Variants in SLC17A9 observed in about 807,000 individuals in gnomAD.
The protein encoded by SLC17A9 is solute carrier family 17 member 9, also known as voltage-gated purine nucleotide uniporter SLC17A9.
In SLC17A9, 49 loss-of-function variants were observed where a neutral mutation model predicts 55.0. That is an observed-to-expected ratio of 0.89 (90% CI 0.71 to 1.13). The LOEUF (loss-of-function observed/expected upper bound fraction) is 1.13, where lower values mean the gene tolerates loss of function less well. Among genes scored for constraint, SLC17A9 ranks in the 50% most tolerant of loss-of-function variants. The pLI, the probability that SLC17A9 is intolerant of heterozygous loss-of-function variation, is 0.00. For synonymous variants in SLC17A9, 256 were observed against 247.4 expected (o/e 1.03, Z -0.32); for missense variants, 526 against 569.3 (o/e 0.92, Z 0.77).
intron 8 of SLC17A9, 52 bp downstream of exon 8, chr20:62,964,367 G>C: frequency 1.3e-6 from 2 of 1,570,552 alleles, no homozygotes. Context: ...GGTTCACCTC[G>C]CTTTCGAGGG....
chr20:62,963,514 C>T (rs890495129), intron 6 of SLC17A9, 70 bp from the exon 7 acceptor site: 314 of 1,530,722 alleles, frequency 2.1e-4, no homozygotes, highest in African/African-American at 1.3e-3. Flanking sequence ...GGACGCCTCT[C>T]GGGGTGGGTC....
At position 62,956,820 on chromosome 20, in the gene SLC17A9, T is replaced by C; in HGVS notation, c.115T>C (p.Cys39Arg). The change falls in exon 2 of 13, where the codon TGC becomes CGC. Residue 39 changes from cysteine to arginine, a missense_variant. Cys to Arg is a radical substitution (Grantham distance 180, BLOSUM62 -3). Coordinates refer to ENST00000370351, the MANE Select transcript of SLC17A9 (RefSeq NM_022082.4). ...TLLLGTCLLYCARSSMPICTV... is the reference protein window; with the variant it reads ...TLLLGTCLLYRARSSMPICTV... ...GCTGCTGGGCACATGCCTTCTGTAC[T>C]GCGCCCGCTCCAGCATGCCCATCTG... is the stretch of plus-strand genomic sequence containing the variant. 1 of 1,613,088 alleles carries C rather than the reference T, an allele frequency of 6.2e-7. No homozygotes were observed. The highest frequency in any genetic ancestry group is 2.2e-5 in the East Asian group (1 of 44,876).
At chr20:62,959,699 G>C (rs947459742) in intron 3 of SLC17A9, among the ~76,000 whole-genome samples, 15 of 152,262 alleles carry the variant, frequency 9.9e-5, no homozygotes, top group Non-Finnish European at 1.3e-4. Context: ...GCGCTCTGCG[G>C]TTAAAAGTTA....
At chr20:62,965,487 T>A in intron 9 of SLC17A9, 123 bp from the exon 10 acceptor site, 1 of 903,008 alleles carries the variant, frequency 1.1e-6, no homozygotes, top group Non-Finnish European at 1.7e-6. Flanking sequence ...GAGAAGTTTG[T>A]GGTCGCAGCC....
intron 8 of SLC17A9, chr20:62,964,863 G>C: frequency 1.9e-6 from 1 of 537,406 alleles, no homozygotes; most frequent in Non-Finnish European, 3.3e-6. Flanking sequence ...CCGCTCGCCT[G>C]TTTCCGCCTC....
intron 3 of SLC17A9, 44 bp downstream of exon 3, chr20:62,957,624 G>A: frequency 2.7e-6 from 4 of 1,472,706 alleles, no homozygotes; most frequent in Non-Finnish European, 3.6e-6. Context: ...CTGGCACCAG[G>A]TGGGGAGACA....
At chr20:62,966,671 C>G (rs1173357996) in intron 11 of SLC17A9, 32 bp from the exon 12 acceptor site, 2 of 1,613,960 alleles carry the variant, frequency 1.2e-6, no homozygotes, top group East Asian at 4.5e-5. Context: ...TGCTGACCAT[C>G]CATATTCTCT....
In SLC17A9 at chr20:62,960,571, CT is replaced by C; in HGVS notation, c.466del (p.Tyr156ThrfsTer14). ...TGCGGGAGAGTGAGCGAGCCTTCAC[CT>C]ACAGCATCGTGGGCGCCGGCTCCCA... ...KVRESERAFT[Y>X]SIVGAGSQFG... On this transcript the variant is annotated frameshift_variant, in exon 4 of 13. Coordinates refer to ENST00000370351, the MANE Select transcript of SLC17A9 (RefSeq NM_022082.4). LOFTEE classifies it high-confidence loss of function. 1 of 1,613,572 alleles carries C rather than the reference CT, an allele frequency of 6.2e-7. No individual in the cohort carries two copies. The highest frequency in any genetic ancestry group is 8.5e-7 in the Non-Finnish European group (1 of 1,180,006).
chr20:62,965,128 G>A lies in SLC17A9; in HGVS notation c.911-4G>A, dbSNP rs1176450568. The A allele has an allele frequency of 1.9e-6, 3 of 1,614,092 alleles. No homozygotes were observed. The highest frequency in any genetic ancestry group is 2.5e-6 in the Non-Finnish European group (3 of 1,180,018). ...GGAGCCCCTTCCTTGGCCTCCCCCTGTAGGTTACAGAGCCATCACGGTGCG... is the reference window on the plus strand; with the variant it reads ...GGAGCCCCTTCCTTGGCCTCCCCCTATAGGTTACAGAGCCATCACGGTGCG... On this transcript the variant is annotated splice_polypyrimidine_tract_variant and splice_region_variant and intron_variant, in intron 8 of 12. Coordinates refer to ENST00000370351, the MANE Select transcript of SLC17A9 (RefSeq NM_022082.4).
chr20:62,957,031 G>A, intron 2 of SLC17A9, 69 bp downstream of exon 2: 1 of 1,600,052 alleles, frequency 6.2e-7, no homozygotes, highest in Non-Finnish European at 8.5e-7. Context: ...GGGGCGAGTG[G>A]GCTGGCTGTG....
intron 6 of SLC17A9, 42 bp downstream of exon 6, chr20:62,963,411 C>A: frequency 6.3e-7 from 1 of 1,596,576 alleles, no homozygotes; most frequent in Non-Finnish European, 8.6e-7. Context: ...AGCGGCAGGG[C>A]CGGTGACCAT....
chr20:62,962,633 G>T lies in SLC17A9; in HGVS notation c.507G>T (p.Leu169=). ...CCCCCTGTCTTTGCAGGACGCTGCT[G>T]ACCGGGGCGGTGGGCTCCCTGCTCC... The part of the protein sequence containing the change: ...VGAGSQFGTL[L]TGAVGSLLLE... The change falls in exon 5 of 13, where the codon CTG becomes CTT. Residue 169 remains leucine (L), a synonymous_variant. Transcript: ENST00000370351. The surrounding 1 kb of genome is among the most constrained non-coding windows in gnomAD (Gnocchi z 5.5). 1.2e-6 allele frequency: 2 copies of T among 1,613,954 alleles called. No homozygotes were observed. Among genetic ancestry groups the T allele is most frequent in the South Asian group, 2.2e-5 (2 of 91,042 alleles).
intron 12 of SLC17A9, chr20:62,966,968 C>T: frequency 1.7e-6 from 1 of 595,064 alleles, no homozygotes; most frequent in Non-Finnish European, 2.9e-6. Context: ...AGATATGTTC[C>T]CATCCTGGTA....
chr20:62,962,865 G>A lies in SLC17A9; in HGVS notation c.628+111G>A, dbSNP rs2065601109. 1 of 1,472,932 alleles carries A rather than the reference G, an allele frequency of 6.8e-7. No homozygotes were observed. The highest frequency in any genetic ancestry group is 1.4e-5 in the African/African-American group (1 of 71,096). 91.2% of individuals were successfully genotyped at this position (1,472,932 alleles called of 1,614,324 possible). A position where few individuals can be genotyped will look rare whatever the true frequency, so the allele number is the denominator to read the frequency against. ...GCAGGAGCCCGGAGACGATGGCTTTGACCTCCCAAAGAATCCGCCAGTGAG... is the reference window on the plus strand; with the variant it reads ...GCAGGAGCCCGGAGACGATGGCTTTAACCTCCCAAAGAATCCGCCAGTGAG... On this transcript the variant is annotated intron_variant, in intron 5 of 12. Coordinates refer to ENST00000370351, the MANE Select transcript of SLC17A9 (RefSeq NM_022082.4). The surrounding 1 kb of genome is among the most constrained non-coding windows in gnomAD (Gnocchi z 5.5).
rs1012039309 is a variant in SLC17A9, at chr20:62,968,375, C to T, written c.*875C>T. On this transcript the variant is annotated 3_prime_UTR_variant, in exon 13 of 13. Coordinates refer to ENST00000370351, the MANE Select transcript of SLC17A9 (RefSeq NM_022082.4). ...GCCTGGTGATTCTGCTCTCCAGGGA[C>T]GGTTGGCACCTTCCTCGGGGGCGGG... The T allele has an allele frequency of 7.9e-5, 12 of 152,284 alleles. No homozygotes were observed. The highest frequency in any genetic ancestry group is 7.3e-5 in the Non-Finnish European group (5 of 68,078). The allele number at this position is 152,284 out of a possible 1,614,324, so 9.4% of individuals were successfully genotyped here.
intron 4 of SLC17A9, among the ~76,000 whole-genome samples, chr20:62,961,942 G>A (rs1231907913): frequency 6.6e-6 from 1 of 152,164 alleles, no homozygotes; most frequent in African/African-American, 2.4e-5. Context: ...CTCCGCGGGA[G>A]GAAGGAGGCC....
chr20:62,966,620 G>A (rs1476773391), intron 11 of SLC17A9, 40 bp downstream of exon 11: 3 of 1,613,754 alleles, frequency 1.9e-6, no homozygotes, highest in East Asian at 4.5e-5. Context: ...CCCTCCCTGG[G>A]CCTCCGGGTG....
At chr20:62,955,537 C>T (rs1044541224) in intron 1 of SLC17A9, among the ~76,000 whole-genome samples, 2 of 151,954 alleles carry the variant, frequency 1.3e-5, no homozygotes, top group African/African-American at 4.8e-5. Flanking sequence ...CTCTTGAACT[C>T]TTGGGCTCAA....
chr20:62,962,042 C>A lies in SLC17A9; in HGVS notation c.498-582C>A, dbSNP rs979613136. Among the ~76,000 whole-genome samples the A allele has an allele frequency of 1.3e-5, 2 of 152,198 alleles. No homozygotes were observed. Among genetic ancestry groups the A allele is most frequent in the Non-Finnish European group, 2.9e-5 (2 of 68,024 alleles). ...ATTCCCCCTGGTGCCAGTGGAGGGG[C>A]CTCAGCAGCAGATGGGGGCTGGGCC... On this transcript the variant is annotated intron_variant, in intron 4 of 12. Transcript: ENST00000370351. The surrounding 1 kb of genome is among the most constrained non-coding windows in gnomAD (Gnocchi z 5.5).
Sources: gnomAD v4.1 joint callset for allele counts (sites outside exome capture counted in the v4.1 genomes callset) on GRCh38, gnomAD v4.1.1 for gene constraint, Gnocchi (gnomAD v3.1) non-coding constraint, MANE v1.5 for transcripts, NCBI Gene and HGNC (gene_info 2026-07-23, HGNC 2026-07-21) for gene names.